Variants in PHIP observed in about 807,000 individuals in gnomAD.
PHIP encodes PH-interacting protein.
A neutral mutation model predicts 236.8 loss-of-function variants in PHIP; 54 were observed. The ratio of observed to expected loss-of-function variants is 0.23; its 90% CI spans 0.18 to 0.29. The LOEUF is 0.29. Ranked by LOEUF, PHIP falls within the 10% of genes least tolerant of loss-of-function variation. PHIP has a pLI of 1.00. For missense variants in PHIP, 1,370 were observed against 2,190.8 expected (o/e 0.63, Z 7.48); for synonymous variants, 756 against 718.9 (o/e 1.05, Z -0.83).
intron 7 of PHIP, among the ~76,000 whole-genome samples, chr6:79,035,450 T>A (rs1352977146): frequency 6.6e-6 from 1 of 152,170 alleles, no homozygotes; most frequent in Non-Finnish European, 1.5e-5. Flanking sequence ...ATTAAAATAT[T>A]GACCTATGTA....
chr6:78,948,635 C>T (rs1394290429), intron 35 of PHIP, among the ~76,000 whole-genome samples: 1 of 152,070 alleles, frequency 6.6e-6, no homozygotes, highest in Non-Finnish European at 1.5e-5. Context: ...GCGGGGACTA[C>T]AGGCAGGCGC....
intron 24 of PHIP, among the ~76,000 whole-genome samples, chr6:78,973,807 A>G (rs1172645541): frequency 2.0e-5 from 3 of 151,972 alleles, no homozygotes; most frequent in Non-Finnish European, 4.4e-5. Context: ...AAAGGGGTCA[A>G]TTCAACAAGA....
intron 4 of PHIP, among the ~76,000 whole-genome samples, chr6:79,061,407 T>A (rs1212315460): frequency 2.6e-5 from 4 of 152,140 alleles, no homozygotes; most frequent in Non-Finnish European, 5.9e-5. Context: ...ATATTAGTTG[T>A]TTTTCACTTT....
At chr6:79,033,053 G>A (rs1582256777) in intron 7 of PHIP, among the ~76,000 whole-genome samples, 2 of 151,938 alleles carry the variant, frequency 1.3e-5, no homozygotes, top group African/African-American at 4.8e-5. Flanking sequence ...GTAATATCTT[G>A]AAAGGAATCT....
In PHIP at chr6:78,934,993, T is replaced by C. The variant is rs1773215545; in HGVS notation, c.*5700A>G. On this transcript the variant is annotated 3_prime_UTR_variant, in exon 40 of 40. Transcript: ENST00000275034. ...CCACACATTGATTACAAACACGAAGTACTATATTGCAAGGAACAGAGGTTT... is the reference window on the plus strand; with the variant it reads ...CCACACATTGATTACAAACACGAAGCACTATATTGCAAGGAACAGAGGTTT... Among the ~76,000 whole-genome samples, 1 of 152,168 alleles carries C rather than the reference T, an allele frequency of 6.6e-6. No homozygotes were observed. The highest frequency in any genetic ancestry group is 1.5e-5 in the Non-Finnish European group (1 of 68,032).
chr6:79,057,615 A>C (rs927254678), intron 6 of PHIP, among the ~76,000 whole-genome samples: 2 of 152,132 alleles, frequency 1.3e-5, no homozygotes, highest in African/African-American at 4.8e-5. Flanking sequence ...AGAAAAGCTA[A>C]AATATCAAGA....
At chr6:78,983,772 T>A (rs1275060222) in intron 22 of PHIP, among the ~76,000 whole-genome samples, 1 of 152,198 alleles carries the variant, frequency 6.6e-6, no homozygotes, top group Non-Finnish European at 1.5e-5. Context: ...CTTCAAAGCA[T>A]GCCATGATTC....
rs765995876 is a variant in PHIP, at chr6:79,026,168, AAAGT to A, written c.601-8_601-5del. ...TCACAAGACAGTCATCAGAACCCTT[AAAGT>A]AAGAATGGATATTAATAGAATTAAC... On this transcript the variant is annotated splice_region_variant and splice_polypyrimidine_tract_variant and intron_variant, in intron 7 of 39. Transcript: ENST00000275034. 5.6e-6 allele frequency: 9 copies of A among 1,599,472 alleles called. No homozygotes were observed. The highest frequency in any genetic ancestry group is 5.5e-5 in the South Asian group (5 of 90,754).
intron 39 of PHIP, 28 bp from the exon 40 acceptor site, chr6:78,941,358 A>AT: frequency 6.5e-7 from 1 of 1,549,106 alleles, no homozygotes; most frequent in Non-Finnish European, 8.7e-7. Context: ...TACACTTAAT[A>AT]TATGGAGTTT....
chr6:79,074,347 T>C (rs529132490), intron 4 of PHIP, among the ~76,000 whole-genome samples: 1 of 152,050 alleles, frequency 6.6e-6, no homozygotes, highest in Admixed American at 6.5e-5. Flanking sequence ...TGCCTCTAGA[T>C]CTCGTAAATA....
intron 9 of PHIP, 61 bp from the exon 10 acceptor site, chr6:79,019,220 ATC>A (rs1770988300): frequency 1.6e-6 from 2 of 1,226,030 alleles, no homozygotes; most frequent in Non-Finnish European, 2.4e-6. Flanking sequence ...AGCAGAAATA[ATC>A]TGTTTCAAAA....
chr6:78,969,427 G>C (rs1016560380), intron 27 of PHIP, among the ~76,000 whole-genome samples: 5 of 152,086 alleles, frequency 3.3e-5, no homozygotes, highest in Admixed American at 6.5e-5. Context: ...TTTGAGACTT[G>C]TTTATGATAC....
At position 78,939,132 on chromosome 6, in the gene PHIP, G is replaced by A. The variant is rs1773375697; in HGVS notation, c.*1561C>T. The A allele has an allele frequency of 6.6e-6, 1 of 151,564 alleles. No homozygotes were observed. Among genetic ancestry groups the A allele is most frequent in the African/African-American group, 2.4e-5 (1 of 41,370 alleles). The allele number at this position is 151,564 out of a possible 1,614,324, so 9.4% of individuals were successfully genotyped here. A position where few individuals can be genotyped will look rare whatever the true frequency, so the allele number is the denominator to read the frequency against. On this transcript the variant is annotated 3_prime_UTR_variant, in exon 40 of 40. Transcript: ENST00000275034. ...AAACAATAGAAATGGTAAGTATGTT[G>A]GTTTTTAAGGTATAAAATAACTAAC... is the stretch of plus-strand genomic sequence containing the variant.
rs972948279 is a variant in PHIP at position 78,935,619 on chromosome 6, A to G, written c.*5074T>C. The G allele has an allele frequency of 2.9e-5, 28 of 981,364 alleles. No homozygotes were observed. The South Asian group carries it at 3.3e-4, about 12-fold the overall frequency. 60.8% of individuals were successfully genotyped at this position (981,364 alleles called of 1,614,324 possible). A position where few individuals can be genotyped will look rare whatever the true frequency, so the allele number is the denominator to read the frequency against. On this transcript the variant is annotated 3_prime_UTR_variant, in exon 40 of 40. Transcript: ENST00000275034. Reference sequence around the variant, plus strand: ...ATTAAATGTACACATAAAAAGGCATATAAGTTTTTGACCTTCAGTTGTTTT... The same window carrying G: ...ATTAAATGTACACATAAAAAGGCATGTAAGTTTTTGACCTTCAGTTGTTTT...
Position 78,955,860 on chromosome 6 carries a change from A to G in PHIP, c.3783-178T>C, listed in dbSNP as rs74952701. Reference sequence around the variant, plus strand: ...CATTTAACCCTGACCCCTCCACTCTATGTAGAGCTTTCAGTGTGGCCTCAC... The same window carrying G: ...CATTTAACCCTGACCCCTCCACTCTGTGTAGAGCTTTCAGTGTGGCCTCAC... On this transcript the variant is annotated intron_variant, in intron 32 of 39. Coordinates refer to ENST00000275034, the MANE Select transcript of PHIP (RefSeq NM_017934.7). 9.9e-3 allele frequency: 3,489 copies of G among 352,092 alleles called. 101 individuals are homozygous for G. The highest frequency in any genetic ancestry group is 0.067 in the African/African-American group (3,183 of 47,680). The allele number at this position is 352,092 out of a possible 1,614,324, so 21.8% of individuals were successfully genotyped here.
intron 4 of PHIP, among the ~76,000 whole-genome samples, chr6:79,072,237 A>G (rs1773920541): frequency 6.6e-6 from 1 of 152,182 alleles, no homozygotes; most frequent in Non-Finnish European, 1.5e-5. Flanking sequence ...TTTGATGATT[A>G]CCCAAAGAAA....
intron 27 of PHIP, among the ~76,000 whole-genome samples, chr6:78,968,857 C>G (rs1206789765): frequency 6.6e-6 from 1 of 151,178 alleles, no homozygotes; most frequent in Non-Finnish European, 1.5e-5. Context: ...CAAAGACAAA[C>G]TTGTTAGATA....
At chr6:78,942,945 T>A (rs915312039) in intron 39 of PHIP, among the ~76,000 whole-genome samples, 3 of 152,172 alleles carry the variant, frequency 2.0e-5, no homozygotes, top group African/African-American at 4.8e-5. Flanking sequence ...AGAAGTTTTT[T>A]AAAAAAGTTT....
intron 6 of PHIP, among the ~76,000 whole-genome samples, chr6:79,048,218 T>C (rs1406501915): frequency 6.6e-6 from 1 of 152,160 alleles, no homozygotes; most frequent in African/African-American, 2.4e-5. Context: ...TTAACTTTAC[T>C]ACCAAACTGA....
Sources: allele counts gnomAD v4.1 joint callset (sites outside exome capture counted in the v4.1 genomes callset), GRCh38; gene constraint gnomAD v4.1.1; transcripts MANE v1.5; gene names NCBI Gene and HGNC (gene_info 2026-07-23, HGNC 2026-07-21).